Variants in GPC5 observed in about 807,000 individuals in gnomAD.
GPC5 encodes the protein glypican-5.
GPC5 carries 47 observed loss-of-function variants against 53.9 expected under a neutral mutation model. The observed-to-expected ratio is 0.87, with a 90% CI of 0.69 to 1.11. The LOEUF (loss-of-function observed/expected upper bound fraction) is 1.11, where lower values mean the gene tolerates loss of function less well. Among genes scored for constraint, GPC5 ranks in the 50% most tolerant of loss-of-function variants. GPC5 has a pLI of 0.00. For missense variants in GPC5, 748 were observed against 713.1 expected (o/e 1.05, Z -0.56); for synonymous variants, 286 against 263.3 (o/e 1.09, Z -0.84).
At chr13:92,703,457 C>T (rs1594435128) in intron 7 of GPC5, among the ~76,000 whole-genome samples, 1 of 151,398 alleles carries the variant, frequency 6.6e-6, no homozygotes, top group Admixed American at 6.6e-5. Context: ...TTATATCTGC[C>T]TTTTGAAAGT....
chr13:91,917,625 T>C (rs1452918931), intron 6 of GPC5, among the ~76,000 whole-genome samples: 1 of 152,228 alleles, frequency 6.6e-6, no homozygotes, highest in Non-Finnish European at 1.5e-5. Context: ...CAATTAGCAA[T>C]TTATTCTGCC....
intron 7 of GPC5, among the ~76,000 whole-genome samples, chr13:92,234,355 C>G (rs1454276281): frequency 2.6e-5 from 4 of 152,126 alleles, no homozygotes; most frequent in African/African-American, 9.7e-5. Flanking sequence ...GCCATTCTAA[C>G]TGGTGTGAGA....
rs1321260104 is a variant in GPC5 at position 92,175,070 on chromosome 13, C to G, written c.1561+30081C>G. 8.5e-5 allele frequency among the ~76,000 whole-genome samples: 13 copies of G among 152,292 alleles called. No individual in the cohort carries two copies. In the Middle Eastern group the frequency reaches 0.014, roughly 159 times the overall value. ...GTTTCTCCATGTTGGTCAGGCTGTT[C>G]TCAAACTCCCGACCTCAGGTGATCA... On this transcript the variant is annotated intron_variant, in intron 7 of 7. Transcript: ENST00000377067.
intron 2 of GPC5, among the ~76,000 whole-genome samples, chr13:91,611,658 T>G (rs1482875958): frequency 6.6e-6 from 1 of 152,188 alleles, no homozygotes; most frequent in African/African-American, 2.4e-5. Context: ...CTAATGTTTT[T>G]AAGTCCACAA....
At chr13:92,799,745 C>G (rs1388657154) in intron 7 of GPC5, among the ~76,000 whole-genome samples, 5 of 151,742 alleles carry the variant, frequency 3.3e-5, no homozygotes, top group Non-Finnish European at 5.9e-5. Context: ...AAGGAAACCA[C>G]CTTTTTCTCT....
At chr13:91,399,314 T>G in intron 1 of GPC5, 105 bp downstream of exon 1, 6 of 1,320,378 alleles carry the variant, frequency 4.5e-6, no homozygotes, top group Non-Finnish European at 6.1e-6. Context: ...TTTCGGGCCC[T>G]GCAGCCGCGC....
chr13:91,586,888 A>G (rs2032617644), intron 2 of GPC5, among the ~76,000 whole-genome samples: 2 of 152,044 alleles, frequency 1.3e-5, no homozygotes, highest in South Asian at 4.1e-4. Context: ...CCTTACGATT[A>G]AAAATGTAAA....
At chr13:91,669,377 T>C (rs2035192270) in intron 2 of GPC5, among the ~76,000 whole-genome samples, 1 of 152,132 alleles carries the variant, frequency 6.6e-6, no homozygotes, top group South Asian at 2.1e-4. Context: ...CCTAGACAAA[T>C]TGGAGAAACC....
At chr13:91,794,692 G>A (rs1176338426) in intron 5 of GPC5, among the ~76,000 whole-genome samples, 2 of 152,168 alleles carry the variant, frequency 1.3e-5, no homozygotes, top group East Asian at 1.9e-4. Context: ...AGGGTCTAAC[G>A]TCTAGCAAGT....
chr13:92,684,450 T>C (rs1887198765), intron 7 of GPC5, among the ~76,000 whole-genome samples: 1 of 151,906 alleles, frequency 6.6e-6, no homozygotes, highest in Admixed American at 6.6e-5. Context: ...TTTGTATTTT[T>C]AGTAGAGACA....
In GPC5 at chr13:91,795,707, T is replaced by A. The variant is rs530256293; in HGVS notation, c.1280+39287T>A. On this transcript the variant is annotated intron_variant, in intron 5 of 7. Transcript: ENST00000377067. ...CGAGTATACTTGGTGAATGAGGTGC[T>A]AACCCTGCCCTTCCCTCCCCTGCCC... 2.6e-5 allele frequency among the ~76,000 whole-genome samples: 4 copies of A among 152,266 alleles called. No homozygotes were observed. The South Asian group carries it at 8.3e-4, about 32-fold the overall frequency.
chr13:92,827,244 T>G (rs11839952), intron 7 of GPC5, among the ~76,000 whole-genome samples: 263 of 152,196 alleles, frequency 1.7e-3, no homozygotes, highest in African/African-American at 6.1e-3. Flanking sequence ...CAGAGTAGGA[T>G]TTTGCATCCA....
chr13:92,856,990 T>C (rs948941734), intron 7 of GPC5, among the ~76,000 whole-genome samples: 1 of 151,750 alleles, frequency 6.6e-6, no homozygotes, highest in Admixed American at 6.6e-5. Flanking sequence ...AAAATTTATA[T>C]GGAACAAAAA....
At chr13:92,321,295 G>C (rs566966873) in intron 7 of GPC5, among the ~76,000 whole-genome samples, 1 of 152,296 alleles carries the variant, frequency 6.6e-6, no homozygotes, top group East Asian at 1.9e-4. Flanking sequence ...TTAAAGATGA[G>C]TCTAAAATAG....
At position 92,051,681 on chromosome 13, in the gene GPC5, A is replaced by G. The variant is rs72635430; in HGVS notation, c.1402-93149A>G. 5.4e-3 allele frequency among the ~76,000 whole-genome samples: 821 copies of G among 152,346 alleles called. 7 individuals are homozygous for G. The highest frequency in any genetic ancestry group is 0.014 in the Middle Eastern group (4 of 294). On this transcript the variant is annotated intron_variant, in intron 6 of 7. Transcript: ENST00000377067. ...TGTTTAGGCTGATAGTGTGAAACAC[A>G]TCATTAGAGTGGAAATCTACTTCAG...
intron 7 of GPC5, among the ~76,000 whole-genome samples, chr13:92,591,903 A>G (rs2139068411): frequency 6.6e-6 from 1 of 152,214 alleles, no homozygotes; most frequent in African/African-American, 2.4e-5. Context: ...TCGTTAATAA[A>G]TGTGAGCACC....
intron 7 of GPC5, among the ~76,000 whole-genome samples, chr13:92,831,235 C>T (rs957653891): frequency 2.6e-5 from 4 of 152,010 alleles, no homozygotes; most frequent in African/African-American, 9.7e-5. Flanking sequence ...TTAATTACTC[C>T]AAATTAGGAG....
chr13:92,498,023 A>G (rs1880040876), intron 7 of GPC5, among the ~76,000 whole-genome samples: 1 of 152,108 alleles, frequency 6.6e-6, no homozygotes, highest in African/African-American at 2.4e-5. Context: ...ATATAAAATC[A>G]TGTCATCTGC....
intron 5 of GPC5, among the ~76,000 whole-genome samples, chr13:91,888,979 C>G (rs556225055): frequency 6.6e-6 from 1 of 152,246 alleles, no homozygotes; most frequent in Admixed American, 6.5e-5. Flanking sequence ...GTGGCTGAGA[C>G]CTGGGCCGCT....
Sources: gnomAD v4.1 joint callset for allele counts (sites outside exome capture counted in the v4.1 genomes callset) on GRCh38, gnomAD v4.1.1 for gene constraint, MANE v1.5 for transcripts, NCBI Gene and HGNC (gene_info 2026-07-23, HGNC 2026-07-21) for gene names.